Variants in FOXQ1 observed in about 807,000 individuals in gnomAD.
The protein encoded by FOXQ1 is forkhead box protein Q1.
A neutral mutation model predicts 0.6 loss-of-function variants in FOXQ1; 1 was observed. The observed-to-expected ratio is 1.73, with a 90% CI of 0.61 to 8.20. FOXQ1 has a LOEUF of 8.20. Ranked by LOEUF, FOXQ1 falls within the 30% of genes most tolerant of loss-of-function variation. The probability of loss-of-function intolerance (pLI) is 0.13; values close to 1 mark genes in which losing one functional copy is unlikely to be tolerated. For synonymous variants in FOXQ1, 377 were observed against 294.4 expected, an observed-to-expected ratio of 1.28 and a Z score of -2.87; for missense variants, 734 against 595.6, an observed-to-expected ratio of 1.23 and a Z score of -2.42.
Position 1,313,727 on chromosome 6 carries a change from G to T in FOXQ1, c.1023G>T (p.Val341=). ...PARLGAREAE[V]PPTAPPLLLA... is the part of the protein sequence containing the mutation. ...GGCTGGGCGCGCGCGAGGCCGAGGTGCCACCGACCGCGCCGCCCCTCCTGC... is the reference window on the plus strand; with the variant it reads ...GGCTGGGCGCGCGCGAGGCCGAGGTTCCACCGACCGCGCCGCCCCTCCTGC... The change falls in exon 1 of 1, where the codon GTG becomes GTT. Residue 341 remains valine (V), a synonymous_variant. Transcript: ENST00000296839. This position sits in a 1 kb window ranked among gnomAD's most constrained non-coding sequence, Gnocchi z 5.2. 1 of 1,143,236 alleles carries T rather than the reference G, an allele frequency of 8.7e-7. No individual in the cohort carries two copies. Among genetic ancestry groups the T allele is most frequent in the Non-Finnish European group, 1.1e-6 (1 of 932,802 alleles). 70.8% of individuals were successfully genotyped at this position (1,143,236 alleles called of 1,614,324 possible). A position where few individuals can be genotyped will look rare whatever the true frequency, so the allele number is the denominator to read the frequency against.
In FOXQ1 at chr6:1,313,930, G is replaced by A. The variant is rs1409365446; in HGVS notation, c.*14G>A. ...CTCCTAGCCTGAGTAGCGCCGCGGG[G>A]CCCGGGAACGCCGAGTGCGCGCCGT... On this transcript the variant is annotated 3_prime_UTR_variant, in exon 1 of 1. Transcript: ENST00000296839. The surrounding 1 kb of genome is among the most constrained non-coding windows in gnomAD (Gnocchi z 5.2). The A allele has an allele frequency of 8.2e-7, 1 of 1,226,522 alleles. No individual in the cohort carries two copies. The highest frequency in any genetic ancestry group is 1.0e-6 in the Non-Finnish European group (1 of 983,660). 76.0% of individuals were successfully genotyped at this position (1,226,522 alleles called of 1,614,324 possible).
Position 1,312,699 on chromosome 6 carries a change from G to A in FOXQ1, c.-6G>A, listed in dbSNP as rs200015455. Reference sequence around the variant, plus strand: ...ACGACGCCGGGGAGGGACTGGGTGCGCGGGCATGAAGTTGGAGGTGTTCGT... The same window carrying A: ...ACGACGCCGGGGAGGGACTGGGTGCACGGGCATGAAGTTGGAGGTGTTCGT... On this transcript the variant is annotated 5_prime_UTR_variant, in exon 1 of 1. Transcript: ENST00000296839. 369 of 1,344,972 alleles carry A rather than the reference G, an allele frequency of 2.7e-4. 3 individuals are homozygous for A. The East Asian group carries it at 0.011, about 39-fold the overall frequency. 83.3% of individuals were successfully genotyped at this position (1,344,972 alleles called of 1,614,324 possible). A position where few individuals can be genotyped will look rare whatever the true frequency, so the allele number is the denominator to read the frequency against.
In FOXQ1 at chr6:1,312,961, T is replaced by A; in HGVS notation, c.257T>A (p.Val86Glu). Reference sequence around the variant, plus strand: ...ATCCCGGCAGCAGCTGCTGCAGCGGTGGTGGCGGAGGGCGCGGAGGCCGGG... The same window carrying A: ...ATCCCGGCAGCAGCTGCTGCAGCGGAGGTGGCGGAGGGCGCGGAGGCCGGG... ...EAIPAAAAAA[V>E]VAEGAEAGAA... is the part of the protein sequence containing the mutation. Residue 86 changes from valine to glutamate, a missense_variant, in exon 1 of 1, where the codon GTG (valine) becomes GAG (glutamate). Transcript: ENST00000296839. 7.8e-7 allele frequency: 1 copy of A among 1,278,292 alleles called. No homozygotes were observed. The highest frequency in any genetic ancestry group is 9.8e-7 in the Non-Finnish European group (1 of 1,016,848). 79.2% of individuals were successfully genotyped at this position (1,278,292 alleles called of 1,614,324 possible). A position where few individuals can be genotyped will look rare whatever the true frequency, so the allele number is the denominator to read the frequency against.
At position 1,312,552 on chromosome 6, in the gene FOXQ1, A is replaced by C; in HGVS notation, c.-153A>C. ...AAGCCCAGCGGAAGAGGACTCCGGAAAAGTGACTATCTCGGAAGACCAGGG... is the reference window on the plus strand; with the variant it reads ...AAGCCCAGCGGAAGAGGACTCCGGACAAGTGACTATCTCGGAAGACCAGGG... On this transcript the variant is annotated 5_prime_UTR_variant, in exon 1 of 1. Coordinates refer to ENST00000296839, the MANE Select transcript of FOXQ1 (RefSeq NM_033260.4). 1 of 1,176,522 alleles carries C rather than the reference A, an allele frequency of 8.5e-7. No homozygotes were observed. The highest frequency in any genetic ancestry group is 3.2e-5 in the East Asian group (1 of 31,264). The allele number at this position is 1,176,522 out of a possible 1,614,324, so 72.9% of individuals were successfully genotyped here.
Position 1,313,494 on chromosome 6 carries a change from G to T in FOXQ1, c.790G>T (p.Ala264Ser). 1 of 1,191,378 alleles carries T rather than the reference G, an allele frequency of 8.4e-7. No homozygotes were observed. Among genetic ancestry groups the T allele is most frequent in the East Asian group, 6.2e-5 (1 of 16,246 alleles). 73.8% of individuals were successfully genotyped at this position (1,191,378 alleles called of 1,614,324 possible). Residue 264 changes from alanine (A) to serine (S), a missense_variant, in exon 1 of 1, where the codon GCG becomes TCG. Ala to Ser is a moderately conservative substitution (Grantham distance 99). Transcript: ENST00000296839. The surrounding 1 kb of genome is among the most constrained non-coding windows in gnomAD (Gnocchi z 5.2). ...PARQEERASP[A>S]GKFSSSFAID... Reference sequence around the variant, plus strand: ...CCGCCAGGAGGAGCGCGCCAGCCCCGCGGGCAAGTTCTCCAGCTCCTTCGC... The same window carrying T: ...CCGCCAGGAGGAGCGCGCCAGCCCCTCGGGCAAGTTCTCCAGCTCCTTCGC...
rs544600486 is a variant in FOXQ1 at position 1,313,589 on chromosome 6, T to A, written c.885T>A (p.Leu295=). Reference sequence around the variant, plus strand: ...GGGACACGGCCCCCGGGACGACGCTTCAGTGGGGCGCCGCGCCCTGCCCGC... The same window carrying A: ...GGGACACGGCCCCCGGGACGACGCTACAGTGGGGCGCCGCGCCCTGCCCGC... ...RLRDTAPGTT[L]QWGAAPCPPL... The change falls in exon 1 of 1, where the codon CTT becomes CTA. Residue 295 remains leucine (L), a synonymous_variant. Coordinates refer to ENST00000296839, the MANE Select transcript of FOXQ1 (RefSeq NM_033260.4). This position sits in a 1 kb window ranked among gnomAD's most constrained non-coding sequence, Gnocchi z 5.2. 3.5e-5 allele frequency: 41 copies of A among 1,170,664 alleles called. 1 individual carries two copies. In the South Asian group the frequency reaches 7.6e-4, roughly 22 times the overall value. The allele number at this position is 1,170,664 out of a possible 1,614,324, so 72.5% of individuals were successfully genotyped here.
At position 1,313,842 on chromosome 6, in the gene FOXQ1, G is replaced by C; in HGVS notation, c.1138G>C (p.Ala380Pro). ...CCTGTACTGCCCCCTGCGGCTGCCC[G>C]CAGCCCTGCAGGCGGCCTCAGTCCG... The part of the protein sequence containing the change: ...AHLYCPLRLP[A>P]ALQAASVRRP... Residue 380 changes from alanine to proline, a missense_variant, in exon 1 of 1, where the codon GCA (alanine) becomes CCA (proline). Transcript: ENST00000296839. The surrounding 1 kb of genome is among the most constrained non-coding windows in gnomAD (Gnocchi z 5.2). 7.7e-7 allele frequency: 1 copy of C among 1,299,554 alleles called. No individual in the cohort carries two copies. The highest frequency in any genetic ancestry group is 2.4e-5 in the South Asian group (1 of 41,220). 80.5% of individuals were successfully genotyped at this position (1,299,554 alleles called of 1,614,324 possible). A position where few individuals can be genotyped will look rare whatever the true frequency, so the allele number is the denominator to read the frequency against.
chr6:1,313,795 G>T lies in FOXQ1; in HGVS notation c.1091G>T (p.Gly364Val), dbSNP rs1346056057. The T allele has an allele frequency of 2.1e-5, 27 of 1,271,086 alleles. No individual in the cohort carries two copies. The highest frequency in any genetic ancestry group is 8.1e-5 in the South Asian group (3 of 36,832). 78.7% of individuals were successfully genotyped at this position (1,271,086 alleles called of 1,614,324 possible). The part of the protein sequence containing the change: ...PAAAPAKPLR[G>V]PAAGGAHLYC... ...GCGGCCCCCGCCAAGCCACTCCGAG[G>T]CCCGGCGGCCGGCGGCGCGCACCTG... Residue 364 changes from glycine (G) to valine (V), a missense_variant, in exon 1 of 1, where the codon GGC becomes GTC. Coordinates refer to ENST00000296839, the MANE Select transcript of FOXQ1 (RefSeq NM_033260.4). This position sits in a 1 kb window ranked among gnomAD's most constrained non-coding sequence, Gnocchi z 5.2.
In FOXQ1 at chr6:1,312,124, G is replaced by A. The variant is rs1417384099; in HGVS notation, c.-581G>A. 1.3e-5 allele frequency among the ~76,000 whole-genome samples: 2 copies of A among 152,226 alleles called. No individual in the cohort carries two copies. Among genetic ancestry groups the A allele is most frequent in the African/African-American group, 4.8e-5 (2 of 41,470 alleles). ...AGACGCAGCCGCGGCAGGCCAGCGGGGAGATGCTGCCCCGGAGGCTGGGAG... is the reference window on the plus strand; with the variant it reads ...AGACGCAGCCGCGGCAGGCCAGCGGAGAGATGCTGCCCCGGAGGCTGGGAG... On this transcript the variant is annotated 5_prime_UTR_variant, in exon 1 of 1. Transcript: ENST00000296839.
chr6:1,314,045 T>A lies in FOXQ1; in HGVS notation c.*129T>A. 8.7e-7 allele frequency: 1 copy of A among 1,151,316 alleles called. No individual in the cohort carries two copies. The highest frequency in any genetic ancestry group is 1.1e-6 in the Non-Finnish European group (1 of 910,564). The allele number at this position is 1,151,316 out of a possible 1,614,324, so 71.3% of individuals were successfully genotyped here. On this transcript the variant is annotated 3_prime_UTR_variant, in exon 1 of 1. Transcript: ENST00000296839. ...TTTAAAATCTCCATCAAACGTGCCT[T>A]AAAGCTAAAGCATTTTGACAGGAGT...
chr6:1,314,065 A>G lies in FOXQ1; in HGVS notation c.*149A>G. 1 of 1,065,336 alleles carries G rather than the reference A, an allele frequency of 9.4e-7. No individual in the cohort carries two copies. The allele number at this position is 1,065,336 out of a possible 1,614,324, so 66.0% of individuals were successfully genotyped here. ...TGCCTTAAAGCTAAAGCATTTTGAC[A>G]GGAGTATTTAAACTTAGTCCAGGAT... is the stretch of plus-strand genomic sequence containing the variant. On this transcript the variant is annotated 3_prime_UTR_variant, in exon 1 of 1. Transcript: ENST00000296839.
In FOXQ1 at chr6:1,313,475, G is replaced by A. The variant is rs1209066167; in HGVS notation, c.771G>A (p.Gln257=). The A allele has an allele frequency of 2.9e-5, 33 of 1,121,984 alleles. No homozygotes were observed. Among genetic ancestry groups the A allele is most frequent in the Non-Finnish European group, 3.6e-5 (33 of 909,818 alleles). The allele number at this position is 1,121,984 out of a possible 1,614,324, so 69.5% of individuals were successfully genotyped here. A position where few individuals can be genotyped will look rare whatever the true frequency, so the allele number is the denominator to read the frequency against. ...CCCGCATGCGCTCGCCCGCCCGCCA[G>A]GAGGAGCGCGCCAGCCCCGCGGGCA... ...ASPRMRSPAR[Q]EERASPAGKF... The change falls in exon 1 of 1, where the codon CAG becomes CAA. Residue 257 remains glutamine (Q), a synonymous_variant. Transcript: ENST00000296839. This position sits in a 1 kb window ranked among gnomAD's most constrained non-coding sequence, Gnocchi z 5.2.
rs1262914491 is a variant in FOXQ1, at chr6:1,314,723, ATTT to A, written c.*811_*813del. The A allele has an allele frequency of 6.0e-6, 1 of 166,618 alleles. No individual in the cohort carries two copies. The highest frequency in any genetic ancestry group is 1.5e-5 in the Non-Finnish European group (1 of 68,100). The allele number at this position is 166,618 out of a possible 1,614,324, so 10.3% of individuals were successfully genotyped here. ...TTTATGAAACCCAAGCATAGTGCTT[ATTT>A]TTTAATAAAACAACTGACTTAACAC... is the stretch of plus-strand genomic sequence containing the variant. On this transcript the variant is annotated 3_prime_UTR_variant, in exon 1 of 1. Transcript: ENST00000296839.
Position 1,312,934 on chromosome 6 carries a change from C to T in FOXQ1, c.230C>T (p.Ala77Val). 1.6e-6 allele frequency: 2 copies of T among 1,275,532 alleles called. No individual in the cohort carries two copies. Among genetic ancestry groups the T allele is most frequent in the Middle Eastern group, 2.9e-4 (1 of 3,468 alleles). The allele number at this position is 1,275,532 out of a possible 1,614,324, so 79.0% of individuals were successfully genotyped here. ...SAGGGPGAEE[A>V]IPAAAAAAVV... ...GGAGGCGGGCCGGGCGCGGAGGAGGCGATCCCGGCAGCAGCTGCTGCAGCG... is the reference window on the plus strand; with the variant it reads ...GGAGGCGGGCCGGGCGCGGAGGAGGTGATCCCGGCAGCAGCTGCTGCAGCG... The change falls in exon 1 of 1, where the codon GCG becomes GTG. Residue 77 changes from alanine (A) to valine (V), a missense_variant. Physicochemically the swap from Ala to Val is moderately conservative, Grantham distance 64 (BLOSUM62 0). Coordinates refer to ENST00000296839, the MANE Select transcript of FOXQ1 (RefSeq NM_033260.4).
chr6:1,312,641 C>A lies in FOXQ1; in HGVS notation c.-64C>A, dbSNP rs1159867826. On this transcript the variant is annotated 5_prime_UTR_variant, in exon 1 of 1. Coordinates refer to ENST00000296839, the MANE Select transcript of FOXQ1 (RefSeq NM_033260.4). ...CGGATCGCCATCCCCTTCCCTGGCA[C>A]CAGCTTCTCTAGGCTGCGCGAAGGA... is the stretch of plus-strand genomic sequence containing the variant. 1 of 1,275,346 alleles carries A rather than the reference C, an allele frequency of 7.8e-7. No individual in the cohort carries two copies. Among genetic ancestry groups the A allele is most frequent in the Non-Finnish European group, 9.9e-7 (1 of 1,010,020 alleles). The allele number at this position is 1,275,346 out of a possible 1,614,324, so 79.0% of individuals were successfully genotyped here. A position where few individuals can be genotyped will look rare whatever the true frequency, so the allele number is the denominator to read the frequency against.
Position 1,313,701 on chromosome 6 carries a change from C to A in FOXQ1, c.997C>A (p.Arg333=). Reference sequence around the variant, plus strand: ...CGCGTACGGCGCGGGCGAGCCGGCGCGGCTGGGCGCGCGCGAGGCCGAGGT... The same window carrying A: ...CGCGTACGGCGCGGGCGAGCCGGCGAGGCTGGGCGCGCGCGAGGCCGAGGT... ...LCAYGAGEPA[R]LGAREAEVPP... Residue 333 remains arginine, a synonymous_variant, in exon 1 of 1, where the codon CGG becomes AGG. Coordinates refer to ENST00000296839, the MANE Select transcript of FOXQ1 (RefSeq NM_033260.4). This position sits in a 1 kb window ranked among gnomAD's most constrained non-coding sequence, Gnocchi z 5.2. 9.5e-7 allele frequency: 1 copy of A among 1,056,200 alleles called. No homozygotes were observed. Among genetic ancestry groups the A allele is most frequent in the Non-Finnish European group, 1.1e-6 (1 of 878,042 alleles). The allele number at this position is 1,056,200 out of a possible 1,614,324, so 65.4% of individuals were successfully genotyped here.
rs561503035 is a variant in FOXQ1 at position 1,313,864 on chromosome 6, T to G, written c.1160T>G (p.Val387Gly). 4.1e-3 allele frequency: 5,333 copies of G among 1,310,402 alleles called. 183 individuals carry two copies. In the African/African-American group the frequency reaches 0.073, roughly 18 times the overall value. 81.2% of individuals were successfully genotyped at this position (1,310,402 alleles called of 1,614,324 possible). A position where few individuals can be genotyped will look rare whatever the true frequency, so the allele number is the denominator to read the frequency against. ...RLPAALQAAS[V>G]RRPGPHLPYP... ...CCCGCAGCCCTGCAGGCGGCCTCAG[T>G]CCGCCGCCCTGGCCCGCACCTGCCG... Residue 387 changes from valine (V) to glycine (G), a missense_variant, in exon 1 of 1, where the codon GTC becomes GGC. Transcript: ENST00000296839. The surrounding 1 kb of genome is among the most constrained non-coding windows in gnomAD (Gnocchi z 5.2).
chr6:1,313,915 G>T lies in FOXQ1; in HGVS notation c.1211G>T (p.Ter404LeuextTer28). The part of the protein sequence containing the change: ...LPYPVETLLA[*>L] The stretch of plus-strand genomic sequence containing the variant: ...TACCCGGTGGAGACGCTCCTAGCCT[G>T]AGTAGCGCCGCGGGGCCCGGGAACG... Residue 404 changes from the stop codon to leucine (L), a stop_lost, in exon 1 of 1, where the codon TGA (stop) becomes TTA (leucine). Coordinates refer to ENST00000296839, the MANE Select transcript of FOXQ1 (RefSeq NM_033260.4). The surrounding 1 kb of genome is among the most constrained non-coding windows in gnomAD (Gnocchi z 5.2). The T allele has an allele frequency of 8.1e-7, 1 of 1,237,676 alleles. No homozygotes were observed. The highest frequency in any genetic ancestry group is 1.0e-6 in the Non-Finnish European group (1 of 990,594). 76.7% of individuals were successfully genotyped at this position (1,237,676 alleles called of 1,614,324 possible).
chr6:1,313,604 G>C lies in FOXQ1; in HGVS notation c.900G>C (p.Ala300=), dbSNP rs770578321. Residue 300 remains alanine (A), a synonymous_variant, in exon 1 of 1, where the codon GCG becomes GCC. Coordinates refer to ENST00000296839, the MANE Select transcript of FOXQ1 (RefSeq NM_033260.4). This position sits in a 1 kb window ranked among gnomAD's most constrained non-coding sequence, Gnocchi z 5.2. ...GGACGACGCTTCAGTGGGGCGCCGCGCCCTGCCCGCCGCTGCCCGCGTTCC... is the reference window on the plus strand; with the variant it reads ...GGACGACGCTTCAGTGGGGCGCCGCCCCCTGCCCGCCGCTGCCCGCGTTCC... ...APGTTLQWGA[A]PCPPLPAFPA... is the part of the protein sequence containing the mutation. 1.1e-5 allele frequency: 12 copies of C among 1,124,892 alleles called. No homozygotes were observed. Among genetic ancestry groups the C allele is most frequent in the Middle Eastern group, 2.9e-4 (1 of 3,476 alleles). 69.7% of individuals were successfully genotyped at this position (1,124,892 alleles called of 1,614,324 possible).
Sources: allele counts gnomAD v4.1 joint callset (sites outside exome capture counted in the v4.1 genomes callset), GRCh38; gene constraint gnomAD v4.1.1; non-coding constraint Gnocchi (gnomAD v3.1); transcripts MANE v1.5; gene names NCBI Gene and HGNC (gene_info 2026-07-23, HGNC 2026-07-21).